The following SCN3A variants were observed in gnomAD, a reference collection of about 807,000 sequenced individuals.
The protein encoded by SCN3A is sodium voltage-gated channel alpha subunit 3.
A neutral mutation model predicts 187.6 loss-of-function variants in SCN3A; 60 were observed. The ratio of observed to expected loss-of-function variants is 0.32; its 90% CI spans 0.26 to 0.40. SCN3A has a LOEUF of 0.40. SCN3A is among the 10% of genes least tolerant of loss of function. SCN3A has a pLI of 1.00. For synonymous variants in SCN3A, 788 were observed against 829.2 expected, an observed-to-expected ratio of 0.95 and a Z score of 0.85; for missense variants, 1,601 against 2,428.2, an observed-to-expected ratio of 0.66 and a Z score of 7.16.
chr2:165,108,079 C>G (rs963760905), intron 21 of SCN3A, among the ~76,000 whole-genome samples: 1 of 152,122 alleles, frequency 6.6e-6, no homozygotes, highest in African/African-American at 2.4e-5. Context: ...TGAGTTAACA[C>G]ATGTGAAGTG....
intron 2 of SCN3A, among the ~76,000 whole-genome samples, chr2:165,184,669 A>G (rs1291270737): frequency 6.6e-6 from 1 of 152,162 alleles, no homozygotes; most frequent in Non-Finnish European, 1.5e-5. Context: ...TATAGTCCTT[A>G]TCTTTATTTC....
At chr2:165,176,573 C>T (rs756336150) in intron 2 of SCN3A, 129 bp from the exon 3 acceptor site, 47 of 666,288 alleles carry the variant, frequency 7.1e-5, no homozygotes, top group Non-Finnish European at 1.2e-4. Flanking sequence ...TAGTACTGCA[C>T]TACACATTTG....
chr2:165,147,689 TAAC>T (rs79932693), intron 11 of SCN3A, among the ~76,000 whole-genome samples: 2 of 151,938 alleles, frequency 1.3e-5, no homozygotes, highest in Non-Finnish European at 2.9e-5. Context: ...ATATTATAAA[TAAC>T]AAATGATTAA....
chr2:165,176,961 C>G (rs893732271), intron 2 of SCN3A, among the ~76,000 whole-genome samples: 8 of 152,066 alleles, frequency 5.3e-5, no homozygotes, highest in Non-Finnish European at 1.0e-4. Context: ...CTGACTCATA[C>G]AAATGAGGAT....
intron 1 of SCN3A, among the ~76,000 whole-genome samples, chr2:165,189,515 ATAGC>A (rs1203410595): frequency 1.3e-5 from 2 of 152,230 alleles, no homozygotes; most frequent in Non-Finnish European, 2.9e-5. Context: ...TAAGGAAGTG[ATAGC>A]TCAAACAGCA....
At chr2:165,150,723 G>A (rs1337281852) in intron 11 of SCN3A, among the ~76,000 whole-genome samples, 1 of 151,946 alleles carries the variant, frequency 6.6e-6, no homozygotes, top group Non-Finnish European at 1.5e-5. Flanking sequence ...TTTAATTGAT[G>A]TCATATTTTA....
intron 12 of SCN3A, among the ~76,000 whole-genome samples, chr2:165,145,315 GA>G (rs56084089): frequency 1.3e-5 from 2 of 150,984 alleles, no homozygotes; most frequent in African/African-American, 2.4e-5. Context: ...GACTGTTTAA[GA>G]AAAAAAAATC....
chr2:165,114,047 C>A, intron 19 of SCN3A, 77 bp from the exon 20 acceptor site: 4 of 862,638 alleles, frequency 4.6e-6, no homozygotes, highest in South Asian at 3.8e-5. Context: ...TGCCCCTTCC[C>A]CACTCCACTT....
At chr2:165,154,743 T>G (rs1688912972) in intron 10 of SCN3A, 85 bp from the exon 11 acceptor site, 1 of 1,308,258 alleles carries the variant, frequency 7.6e-7, no homozygotes, top group Admixed American at 1.8e-5. Context: ...AGATAGTCAG[T>G]AGACTAATTA....
intron 11 of SCN3A, among the ~76,000 whole-genome samples, chr2:165,153,772 T>C (rs1688839323): frequency 6.6e-6 from 1 of 152,198 alleles, no homozygotes; most frequent in African/African-American, 2.4e-5. Flanking sequence ...ATGAATCAGA[T>C]TTTTACTATA....
intron 4 of SCN3A, 149 bp from the exon 5 acceptor site, chr2:165,168,974 G>A (rs1407353540): frequency 1.6e-6 from 1 of 630,290 alleles, no homozygotes; most frequent in African/African-American, 1.8e-5. Context: ...AAACTTCAAA[G>A]CCTGTGATAT....
chr2:165,096,572 C>T (rs767651824), intron 23 of SCN3A, 52 bp from the exon 24 acceptor site: 4 of 1,298,320 alleles, frequency 3.1e-6, no homozygotes, highest in Non-Finnish European at 4.5e-6. Context: ...CTAACAATGA[C>T]ATTTAACCAG....
chr2:165,129,813 T>G (rs1687205732), intron 17 of SCN3A, 127 bp downstream of exon 17: 5 of 1,157,080 alleles, frequency 4.3e-6, no homozygotes, highest in Middle Eastern at 1.9e-4. Flanking sequence ...ATTCTCTGAG[T>G]GCTAATAGGG....
rs954121109 is a variant in SCN3A at position 165,087,653 on chromosome 2, T to A, written c.*2497A>T. The A allele has an allele frequency of 7.2e-5, 11 of 152,160 alleles. No homozygotes were observed. The highest frequency in any genetic ancestry group is 1.3e-4 in the Non-Finnish European group (9 of 68,022). The allele number at this position is 152,160 out of a possible 1,614,324, so 9.4% of individuals were successfully genotyped here. ...ATAAGAGTTTGGTTTTGACCTCACA[T>A]AAATCCAAGGGTTCTTGAAAAAAAA... On this transcript the variant is annotated 3_prime_UTR_variant, in exon 28 of 28. Coordinates refer to ENST00000283254, the MANE Select transcript of SCN3A (RefSeq NM_006922.4).
At chr2:165,162,214 T>G in intron 9 of SCN3A, 94 bp downstream of exon 9, 1 of 1,154,834 alleles carries the variant, frequency 8.7e-7, no homozygotes, top group Non-Finnish European at 1.3e-6. Context: ...GCATACATGG[T>G]AAGGCTACAC....
At chr2:165,164,036 G>A (rs1251659050) in intron 6 of SCN3A, 2 of 799,652 alleles carry the variant, frequency 2.5e-6, no homozygotes, top group East Asian at 5.4e-5. Flanking sequence ...GCTAAAGGTT[G>A]CTTTTAAGAA....
Position 165,140,632 on chromosome 2 carries a change from C to T in SCN3A, c.2019+19G>A. ...AATTGGTGAATAATGTCAGTAGCAG[C>T]TAGGTCATCTATTATCACCTCTGGG... On this transcript the variant is annotated intron_variant, in intron 13 of 27. Coordinates refer to ENST00000283254, the MANE Select transcript of SCN3A (RefSeq NM_006922.4). The surrounding 1 kb of genome is among the most constrained non-coding windows in gnomAD (Gnocchi z 4.2). The T allele has an allele frequency of 1.3e-6, 2 of 1,594,632 alleles. No homozygotes were observed. The highest frequency in any genetic ancestry group is 3.3e-4 in the Middle Eastern group (2 of 6,026).
intron 2 of SCN3A, among the ~76,000 whole-genome samples, chr2:165,183,499 C>T (rs1448051044): frequency 6.6e-6 from 1 of 152,154 alleles, no homozygotes; most frequent in Non-Finnish European, 1.5e-5. Flanking sequence ...TGAAGCCAGC[C>T]AATACAATGA....
At chr2:165,123,385 G>A (rs1219125565) in intron 18 of SCN3A, among the ~76,000 whole-genome samples, 1 of 152,016 alleles carries the variant, frequency 6.6e-6, no homozygotes, top group Non-Finnish European at 1.5e-5. Flanking sequence ...CTCTTTAGCT[G>A]CGATAGTCAG....
Sources: gnomAD v4.1 joint callset for allele counts (sites outside exome capture counted in the v4.1 genomes callset) on GRCh38, gnomAD v4.1.1 for gene constraint, Gnocchi (gnomAD v3.1) non-coding constraint, MANE v1.5 for transcripts, NCBI Gene and HGNC (gene_info 2026-07-23, HGNC 2026-07-21) for gene names.